DGKG: variants seen among roughly 807,000 people sequenced by gnomAD.
The protein encoded by DGKG is DAG kinase gamma.
Under a neutral mutation model 105.3 loss-of-function variants are expected in DGKG, and 78 were observed. The observed-to-expected ratio is 0.74, with a 90% CI of 0.62 to 0.89. The LOEUF is 0.89. DGKG is among the 40% of genes least tolerant of loss of function. The pLI, the probability that DGKG is intolerant of heterozygous loss-of-function variation, is 0.00. For missense variants in DGKG, 958 were observed against 1,020.1 expected (o/e 0.94, Z 0.83); for synonymous variants, 346 against 367.1 (o/e 0.94, Z 0.66).
intron 1 of DGKG, among the ~76,000 whole-genome samples, chr3:186,359,632 C>T (rs1230799480): frequency 1.3e-5 from 2 of 152,106 alleles, no homozygotes; most frequent in African/African-American, 2.4e-5. Flanking sequence ...CTCAGAGGGA[C>T]TCCTGAGGAT....
intron 20 of DGKG, among the ~76,000 whole-genome samples, chr3:186,228,000 T>A (rs1462067344): frequency 6.6e-6 from 1 of 152,192 alleles, no homozygotes; most frequent in Non-Finnish European, 1.5e-5. Flanking sequence ...ACTCTGACAT[T>A]ATTTTTTCTG....
chr3:186,205,887 T>C (rs1718707067), intron 21 of DGKG, among the ~76,000 whole-genome samples: 1 of 151,684 alleles, frequency 6.6e-6, no homozygotes. Flanking sequence ...GATCAATAAA[T>C]ACTAAAAAAA....
chr3:186,161,734 G>A, intron 23 of DGKG, 71 bp from the exon 24 acceptor site: 1 of 1,609,616 alleles, frequency 6.2e-7, no homozygotes, highest in Non-Finnish European at 8.5e-7. Context: ...TTCCCACCAG[G>A]AAAACAGAAG....
chr3:186,241,222 T>C (rs948808449), intron 20 of DGKG, among the ~76,000 whole-genome samples: 1 of 152,018 alleles, frequency 6.6e-6, no homozygotes, highest in South Asian at 2.1e-4. Context: ...GTGATGAAAA[T>C]GATGGGTCCT....
chr3:186,222,291 T>A (rs374509487), intron 20 of DGKG, among the ~76,000 whole-genome samples: 1 of 152,220 alleles, frequency 6.6e-6, no homozygotes, highest in Non-Finnish European at 1.5e-5. Flanking sequence ...GATGTTGAGG[T>A]TGGGTTCCCA....
intron 2 of DGKG, among the ~76,000 whole-genome samples, chr3:186,314,785 G>C (rs1724738580): frequency 6.6e-6 from 1 of 150,588 alleles, no homozygotes; most frequent in South Asian, 2.1e-4. Flanking sequence ...GTTCTACACA[G>C]TCCAAGCAAC....
chr3:186,255,574 G>A (rs894716602), intron 17 of DGKG, among the ~76,000 whole-genome samples: 2 of 152,230 alleles, frequency 1.3e-5, no homozygotes, highest in Non-Finnish European at 2.9e-5. Flanking sequence ...GAACGCCCAG[G>A]GGTCTGAGAG....
In DGKG at chr3:186,237,940, C is replaced by T. The variant is rs140799472; in HGVS notation, c.1826+4564G>A. Among the ~76,000 whole-genome samples, 287 of 152,108 alleles carry T rather than the reference C, an allele frequency of 1.9e-3. 1 individual carries two copies. The highest frequency in any genetic ancestry group is 0.017 in the Middle Eastern group (5 of 294). On this transcript the variant is annotated intron_variant, in intron 20 of 24. Transcript: ENST00000265022. ...TTCACCACTTGGCATCTAGGAGGAG[C>T]TAAAAAAATGAAAACAGTTCTTAGT...
At chr3:186,155,689 C>T (rs1157125932) in intron 24 of DGKG, among the ~76,000 whole-genome samples, 5 of 152,118 alleles carry the variant, frequency 3.3e-5, no homozygotes, top group African/African-American at 7.2e-5. Context: ...ACTAGATCAA[C>T]GTATATTAAT....
At chr3:186,280,797 C>A in intron 7 of DGKG, 53 bp from the exon 8 acceptor site, 1 of 1,498,998 alleles carries the variant, frequency 6.7e-7, no homozygotes, top group South Asian at 1.1e-5. Flanking sequence ...AGAGATGTGT[C>A]ATTAAGAGCC....
intron 21 of DGKG, 43 bp downstream of exon 21, chr3:186,211,752 A>G (rs1002188331): frequency 7.0e-7 from 1 of 1,437,474 alleles, no homozygotes; most frequent in Non-Finnish European, 9.8e-7. Flanking sequence ...GTCCAGGAGC[A>G]GAACCAAGAT....
chr3:186,349,632 G>A (rs924471816), intron 1 of DGKG, among the ~76,000 whole-genome samples: 1 of 152,072 alleles, frequency 6.6e-6, no homozygotes, highest in Non-Finnish European at 1.5e-5. Context: ...GTTTTCATGA[G>A]CTTCACAAAG....
intron 5 of DGKG, among the ~76,000 whole-genome samples, chr3:186,297,068 T>TCTCTCACACACACA (rs1452573661): frequency 1.4e-4 from 18 of 130,420 alleles, no homozygotes; most frequent in African/African-American, 4.3e-4. Context: ...TCTGTCTCTC[T>TCTCTCACACACACA]CACACACACA....
chr3:186,147,580 A>C lies in DGKG; in HGVS notation c.*2510T>G. 1 of 985,426 alleles carries C rather than the reference A, an allele frequency of 1.0e-6. No homozygotes were observed. The highest frequency in any genetic ancestry group is 1.2e-6 in the Non-Finnish European group (1 of 829,922). The allele number at this position is 985,426 out of a possible 1,614,324, so 61.0% of individuals were successfully genotyped here. On this transcript the variant is annotated 3_prime_UTR_variant, in exon 25 of 25. Transcript: ENST00000265022. The stretch of plus-strand genomic sequence containing the variant: ...GAAGTTGTTATACTCCATGCCTCTA[A>C]GAAGGACTTGGGATATGTCTCTCAA...
intron 1 of DGKG, among the ~76,000 whole-genome samples, chr3:186,321,280 T>A (rs1184890931): frequency 6.6e-6 from 1 of 152,192 alleles, no homozygotes; most frequent in African/African-American, 2.4e-5. Context: ...GAGCCTCTCA[T>A]ACTGTGGGTC....
chr3:186,309,619 C>T (rs983757052), intron 2 of DGKG, among the ~76,000 whole-genome samples: 5 of 151,896 alleles, frequency 3.3e-5, no homozygotes, highest in African/African-American at 4.8e-5. Flanking sequence ...GCCAAAATGG[C>T]TAAATAAAAA....
rs1047803231 is a variant in DGKG at position 186,148,017 on chromosome 3, G to A, written c.*2073C>T. The A allele has an allele frequency of 2.0e-6, 2 of 985,310 alleles. No individual in the cohort carries two copies. The highest frequency in any genetic ancestry group is 2.4e-6 in the Non-Finnish European group (2 of 829,966). 61.0% of individuals were successfully genotyped at this position (985,310 alleles called of 1,614,324 possible). On this transcript the variant is annotated 3_prime_UTR_variant, in exon 25 of 25. Transcript: ENST00000265022. ...GGTCCTTCACAGTTAAGTGCCATTT[G>A]TACACACAATCTTAATATTCCCTTC...
At chr3:186,174,034 C>A (rs936206866) in intron 22 of DGKG, among the ~76,000 whole-genome samples, 2 of 152,240 alleles carry the variant, frequency 1.3e-5, no homozygotes, top group African/African-American at 4.8e-5. Flanking sequence ...ATGAACCCAG[C>A]ACAGAGAATG....
At chr3:186,354,162 C>A (rs1726789763) in intron 1 of DGKG, among the ~76,000 whole-genome samples, 1 of 152,068 alleles carries the variant, frequency 6.6e-6, no homozygotes, top group East Asian at 1.9e-4. Context: ...GACACCCTGG[C>A]CTTCTGGGAG....
Sources: gnomAD v4.1 joint callset for allele counts (sites outside exome capture counted in the v4.1 genomes callset) on GRCh38, gnomAD v4.1.1 for gene constraint, MANE v1.5 for transcripts, NCBI Gene and HGNC (gene_info 2026-07-23, HGNC 2026-07-21) for gene names.